ASPSCR1: variants seen among roughly 807,000 people sequenced by gnomAD.
ASPSCR1 encodes tether containing UBX domain for GLUT4.
In ASPSCR1, 55 loss-of-function variants were observed where a neutral mutation model predicts 68.9. The ratio of observed to expected loss-of-function variants is 0.80; its 90% CI spans 0.64 to 1.00. The LOEUF (loss-of-function observed/expected upper bound fraction) is 1.00, where lower values mean the gene tolerates loss of function less well. Ranked by LOEUF, ASPSCR1 falls within the 50% of genes least tolerant of loss-of-function variation. ASPSCR1 has a pLI of 0.00. For synonymous variants in ASPSCR1, 352 were observed against 332.6 expected (o/e 1.06, Z -0.63); for missense variants, 765 against 762.2 (o/e 1.00, Z -0.04).
At chr17:81,997,913 A>C (rs1319365897) in intron 7 of ASPSCR1, among the ~76,000 whole-genome samples, 6 of 114,394 alleles carry the variant, frequency 5.2e-5, no homozygotes, top group Admixed American at 9.5e-5. Context: ...TGTAACCTCC[A>C]CCTCCCGGGT....
chr17:82,015,554 A>G, intron 12 of ASPSCR1: 1 of 722,826 alleles, frequency 1.4e-6, no homozygotes, highest in South Asian at 1.9e-5. Context: ...GCCTCTCTGC[A>G]TCGGTGGCCT....
In ASPSCR1 at chr17:81,977,812, C is replaced by T. The variant is rs2041652015; in HGVS notation, c.102+64C>T. 3 of 1,160,724 alleles carry T rather than the reference C, an allele frequency of 2.6e-6. No homozygotes were observed. Among genetic ancestry groups the T allele is most frequent in the Non-Finnish European group, 3.2e-6 (3 of 932,238 alleles). 71.9% of individuals were successfully genotyped at this position (1,160,724 alleles called of 1,614,324 possible). ...GGGGGCGCTGCGCCGAGGCCCCGCC[C>T]ATTGCGGTCGGCGTCCCGGTGTTCG... On this transcript the variant is annotated intron_variant, in intron 1 of 15. Coordinates refer to ENST00000306739, the MANE Select transcript of ASPSCR1 (RefSeq NM_024083.4). The surrounding 1 kb of genome is among the most constrained non-coding windows in gnomAD (Gnocchi z 5.0).
At position 82,010,853 on chromosome 17, in the gene ASPSCR1, C is replaced by T. The variant is rs373744593; in HGVS notation, c.1222C>T (p.Arg408Cys). 4.6e-5 allele frequency: 74 copies of T among 1,612,666 alleles called. No individual in the cohort carries two copies. The highest frequency in any genetic ancestry group is 2.7e-4 in the Admixed American group (16 of 60,006). ...CCGCTACGTCCTACAGGGCTTCTTC[C>T]GCCCCAGCGAGACAGGTGGGCAGCG... ...PDRYVLQGFF[R>C]PSETVGDLRD... The change falls in exon 10 of 16, where the codon CGC (arginine) becomes TGC (cysteine). Residue 408 changes from arginine to cysteine, a missense_variant. Transcript: ENST00000306739.
chr17:81,980,022 G>A (rs1455095081), intron 2 of ASPSCR1, among the ~76,000 whole-genome samples: 3 of 152,024 alleles, frequency 2.0e-5, no homozygotes, highest in African/African-American at 7.3e-5. Context: ...CACTCTTGTC[G>A]CCCAGGCTGG....
intron 7 of ASPSCR1, chr17:82,006,190 G>A (rs1367878448): frequency 6.7e-6 from 1 of 149,562 alleles, no homozygotes; most frequent in Non-Finnish European, 1.5e-5. Flanking sequence ...GTGTGTGTGT[G>A]TGCGTCCTTG....
At chr17:82,000,787 G>T (rs1008910589) in intron 7 of ASPSCR1, among the ~76,000 whole-genome samples, 1 of 152,188 alleles carries the variant, frequency 6.6e-6, no homozygotes, top group Non-Finnish European at 1.5e-5. Flanking sequence ...AGAACCGGGC[G>T]CTGGGAGAGG....
At chr17:82,010,467 T>TA (rs1257177650) in intron 9 of ASPSCR1, among the ~76,000 whole-genome samples, 1 of 142,358 alleles carries the variant, frequency 7.0e-6, no homozygotes, top group Non-Finnish European at 1.5e-5. Context: ...AGGTGGAGCT[T>TA]ACAGTGAGCC....
rs1164599548 is a variant in ASPSCR1, at chr17:81,987,323, C to T, written c.374+1716C>T. Among the ~76,000 whole-genome samples the T allele has an allele frequency of 2.0e-5, 3 of 152,334 alleles. No individual in the cohort carries two copies. The highest frequency in any genetic ancestry group is 2.1e-4 in the South Asian group (1 of 4,830). On this transcript the variant is annotated intron_variant, in intron 4 of 15. Transcript: ENST00000306739. This position sits in a 1 kb window ranked among gnomAD's most constrained non-coding sequence, Gnocchi z 5.6. The stretch of plus-strand genomic sequence containing the variant: ...GGCACTGGGTGAGAAGCAGGGATCC[C>T]GGCGCCCTGGCTCTGTGCTGCTTCC...
intron 7 of ASPSCR1, among the ~76,000 whole-genome samples, chr17:82,003,943 T>G (rs2042620538): frequency 6.6e-6 from 1 of 152,210 alleles, no homozygotes; most frequent in Admixed American, 6.5e-5. Flanking sequence ...CCACACTCCC[T>G]CTCACCGGAG....
chr17:81,977,630 G>C lies in ASPSCR1; in HGVS notation c.-17G>C, dbSNP rs756292623. The C allele has an allele frequency of 2.2e-6, 3 of 1,382,662 alleles. No individual in the cohort carries two copies. The African/African-American group carries it at 4.5e-5, about 21-fold the overall frequency. The allele number at this position is 1,382,662 out of a possible 1,614,324, so 85.6% of individuals were successfully genotyped here. A position where few individuals can be genotyped will look rare whatever the true frequency, so the allele number is the denominator to read the frequency against. ...GTTGTTTGACGCCGGCCCGGCGGCG[G>C]GTCACGTGAGCGGAAAATGGCGGCC... On this transcript the variant is annotated 5_prime_UTR_variant, in exon 1 of 16. Transcript: ENST00000306739. This position sits in a 1 kb window ranked among gnomAD's most constrained non-coding sequence, Gnocchi z 5.0.
rs746835737 is a variant in ASPSCR1, at chr17:81,983,586, A to G, written c.191A>G (p.Gln64Arg). 7 of 1,613,402 alleles carry G rather than the reference A, an allele frequency of 4.3e-6. No individual in the cohort carries two copies. Among genetic ancestry groups the G allele is most frequent in the South Asian group, 1.1e-5 (1 of 90,944 alleles). ...AGGAGCGTGCTCGACCTTTCTCTCCAGTGGAGATTTGCCAACCTGCCCAAC... is the reference window on the plus strand; with the variant it reads ...AGGAGCGTGCTCGACCTTTCTCTCCGGTGGAGATTTGCCAACCTGCCCAAC... Reference protein sequence around the residue: ...FQRSVLDLSLQWRFANLPNNA... With the variant: ...FQRSVLDLSLRWRFANLPNNA... The change falls in exon 3 of 16, where the codon CAG becomes CGG. Residue 64 changes from glutamine (Q) to arginine (R), a missense_variant. By Grantham distance (43) the Gln-to-Arg change is conservative. Transcript: ENST00000306739. This position sits in a 1 kb window ranked among gnomAD's most constrained non-coding sequence, Gnocchi z 4.4.
At chr17:81,996,381 C>T (rs770064547) in intron 6 of ASPSCR1, 39 bp from the exon 7 acceptor site, 1 of 1,536,578 alleles carries the variant, frequency 6.5e-7, no homozygotes, top group Non-Finnish European at 8.8e-7. Context: ...CGGGGGTAGG[C>T]ACCACAAGGT....
chr17:81,996,860 T>TA lies in ASPSCR1; in HGVS notation c.933+15dup. On this transcript the variant is annotated intron_variant, in intron 7 of 15. Coordinates refer to ENST00000306739, the MANE Select transcript of ASPSCR1 (RefSeq NM_024083.4). The stretch of plus-strand genomic sequence containing the variant: ...GAGCGGGAGCGGGTAAAAGGGGCTC[T>TA]AGGCCTTGGGACTTGGGGGTGTCCT... 1.9e-6 allele frequency: 3 copies of TA among 1,571,780 alleles called. No individual in the cohort carries two copies. Among genetic ancestry groups the TA allele is most frequent in the Non-Finnish European group, 2.6e-6 (3 of 1,162,024 alleles).
intron 7 of ASPSCR1, among the ~76,000 whole-genome samples, chr17:82,000,124 C>T (rs2042479810): frequency 6.6e-6 from 1 of 152,250 alleles, no homozygotes; most frequent in Non-Finnish European, 1.5e-5. Flanking sequence ...CCCCTCTAGG[C>T]CTGCTCTTGT....
rs1008936363 is a variant in ASPSCR1 at position 81,985,429 on chromosome 17, C to T, written c.274-78C>T. On this transcript the variant is annotated intron_variant, in intron 3 of 15. Coordinates refer to ENST00000306739, the MANE Select transcript of ASPSCR1 (RefSeq NM_024083.4). Reference sequence around the variant, plus strand: ...GGCGGGGCAGTCACCCTCTCTGTGTCTGGAGAATCAGTCTGGGATTTAGAA... The same window carrying T: ...GGCGGGGCAGTCACCCTCTCTGTGTTTGGAGAATCAGTCTGGGATTTAGAA... The T allele has an allele frequency of 3.4e-6, 5 of 1,476,852 alleles. No individual in the cohort carries two copies. In the African/African-American group the frequency reaches 5.6e-5, roughly 16 times the overall value. The allele number at this position is 1,476,852 out of a possible 1,614,324, so 91.5% of individuals were successfully genotyped here. A position where few individuals can be genotyped will look rare whatever the true frequency, so the allele number is the denominator to read the frequency against.
chr17:81,995,578 C>T, intron 5 of ASPSCR1: 2 of 367,602 alleles, frequency 5.4e-6, no homozygotes, highest in South Asian at 2.6e-5. Flanking sequence ...ACGTGGCCAG[C>T]CAGGCCCGAT....
At chr17:81,989,651 C>T (rs1325746669) in intron 4 of ASPSCR1, among the ~76,000 whole-genome samples, 1 of 152,146 alleles carries the variant, frequency 6.6e-6, no homozygotes, top group Non-Finnish European at 1.5e-5. Context: ...TTGGGGACCC[C>T]TGGGTGATTT....
At chr17:81,991,406 C>G (rs954845080) in intron 4 of ASPSCR1, among the ~76,000 whole-genome samples, 6 of 152,192 alleles carry the variant, frequency 3.9e-5, no homozygotes, top group Admixed American at 6.5e-5. Flanking sequence ...TGGGTGATTT[C>G]TGCAGCCCTC....
intron 7 of ASPSCR1, 107 bp from the exon 8 acceptor site, chr17:82,008,930 G>T: frequency 7.3e-7 from 1 of 1,378,506 alleles, no homozygotes; most frequent in African/African-American, 1.5e-5. Flanking sequence ...GAGGGAGTGG[G>T]CCCAGCTCCC....
Sources: gnomAD v4.1 joint callset for allele counts (sites outside exome capture counted in the v4.1 genomes callset) on GRCh38, gnomAD v4.1.1 for gene constraint, Gnocchi (gnomAD v3.1) non-coding constraint, MANE v1.5 for transcripts, NCBI Gene and HGNC (gene_info 2026-07-23, HGNC 2026-07-21) for gene names.